RNF38: variants seen among roughly 807,000 people sequenced by gnomAD.
RNF38 encodes ring finger protein 38.
In RNF38, 15 loss-of-function variants were observed where a neutral mutation model predicts 67.2. That is an observed-to-expected ratio of 0.22 (90% CI 0.15 to 0.34). RNF38 has a LOEUF of 0.34. Among genes scored for constraint, RNF38 ranks in the 10% least tolerant of loss-of-function variants. RNF38 has a pLI of 1.00. For synonymous variants in RNF38, 220 were observed against 218.8 expected (o/e 1.01, Z -0.05); for missense variants, 524 against 639.9 (o/e 0.82, Z 1.95).
intron 2 of RNF38, among the ~76,000 whole-genome samples, chr9:36,407,319 G>T (rs1889280): frequency 0.054 from 8,205 of 152,246 alleles, 696 homozygotes; most frequent in African/African-American, 0.18. Flanking sequence ...AGTTAGTCAG[G>T]TGGCTGTTTC....
At chr9:36,342,497 A>G in intron 10 of RNF38, 73 bp from the exon 11 acceptor site, 1 of 902,262 alleles carries the variant, frequency 1.1e-6, no homozygotes, top group Non-Finnish European at 1.8e-6. Flanking sequence ...TGAAACCTAC[A>G]AGATAATTTA....
At chr9:36,401,372 T>C (rs1838026865), upstream of RNF38, among the ~76,000 whole-genome samples, 1 of 144,748 alleles carries the variant, frequency 6.9e-6, no homozygotes. Flanking sequence ...TCTTAGTAAA[T>C]TGTTGCTACT....
chr9:36,463,937 G>A (rs1486403921), intron 1 of RNF38, among the ~76,000 whole-genome samples: 1 of 152,078 alleles, frequency 6.6e-6, no homozygotes, highest in African/African-American at 2.4e-5. Context: ...GGAGGCCGAG[G>A]CGGGCGGATC....
intron 1 of RNF38, 45 bp downstream of exon 1, chr9:36,400,052 A>G (rs1417810678): frequency 1.9e-6 from 3 of 1,578,684 alleles, no homozygotes; most frequent in Admixed American, 1.7e-5. Context: ...CTTTTACTGA[A>G]TAATAGCATA....
chr9:36,374,397 G>T (rs748051046), intron 3 of RNF38, among the ~76,000 whole-genome samples: 1 of 152,166 alleles, frequency 6.6e-6, no homozygotes, highest in Non-Finnish European at 1.5e-5. Flanking sequence ...CAACATAGTC[G>T]GTTTTTGGAG....
At chr9:36,372,232 T>A (rs180707875) in intron 3 of RNF38, among the ~76,000 whole-genome samples, 45 of 152,270 alleles carry the variant, frequency 3.0e-4, no homozygotes, top group Non-Finnish European at 5.6e-4. Context: ...CCCAGCTGAA[T>A]GAACTCACTT....
At position 36,473,363 on chromosome 9, in the gene RNF38, G is replaced by A. The variant is rs192096833; in HGVS notation, n.241+13945C>T. Among the ~76,000 whole-genome samples, 77 of 152,204 alleles carry A rather than the reference G, an allele frequency of 5.1e-4. 1 individual carries two copies. In the East Asian group the frequency reaches 0.012, roughly 24 times the overall value. ...AACACTTTGGGAGGCCAAGGCAGGC[G>A]GATCACCTGAGGTCAGGAGTTCAAG... is the stretch of plus-strand genomic sequence containing the variant. On this transcript the variant is annotated intron_variant and non_coding_transcript_variant, in intron 1 of 3. Transcript: ENST00000488058.
upstream of RNF38, chr9:36,401,141 T>C (rs1838005986): frequency 3.0e-6 from 3 of 983,898 alleles, no homozygotes; most frequent in Non-Finnish European, 3.6e-6. Flanking sequence ...CTCCTCCCTT[T>C]TCCCCCAGGC....
At chr9:36,486,820 A>T (rs1283012240) in intron 1 of RNF38, among the ~76,000 whole-genome samples, 1 of 151,424 alleles carries the variant, frequency 6.6e-6, no homozygotes, top group African/African-American at 2.4e-5. Flanking sequence ...TTACTCCCAA[A>T]CCAGCCCAAA....
At chr9:36,362,135 T>A (rs928432966) in intron 4 of RNF38, among the ~76,000 whole-genome samples, 1 of 152,202 alleles carries the variant, frequency 6.6e-6, no homozygotes, top group African/African-American at 2.4e-5. Flanking sequence ...GGTGGGTGGA[T>A]CGCCTGAGGT....
intron 2 of RNF38, among the ~76,000 whole-genome samples, chr9:36,389,995 T>A (rs952153779): frequency 6.6e-6 from 1 of 152,216 alleles, no homozygotes; most frequent in African/African-American, 2.4e-5. Context: ...TTTCATTTTA[T>A]ATTTAAAAAA....
At chr9:36,414,756 G>A (rs1406958554) in intron 2 of RNF38, among the ~76,000 whole-genome samples, 4 of 151,024 alleles carry the variant, frequency 2.6e-5, no homozygotes, top group South Asian at 2.1e-4. Context: ...TGGTGGTGTC[G>A]AATTCTCTCA....
chr9:36,398,247 T>G (rs1441386381), intron 1 of RNF38, among the ~76,000 whole-genome samples: 1 of 151,590 alleles, frequency 6.6e-6, no homozygotes, highest in Admixed American at 6.6e-5. Flanking sequence ...ATAGAAGAGG[T>G]GAAAAGTTCA....
intron 6 of RNF38, 134 bp downstream of exon 6, chr9:36,356,169 C>T (rs1834091150): frequency 1.2e-6 from 1 of 833,946 alleles, no homozygotes; most frequent in East Asian, 2.7e-5. Context: ...TTAAGCATGC[C>T]ATTTAAACAT....
At chr9:36,442,081 G>A (rs763488849) in intron 1 of RNF38, among the ~76,000 whole-genome samples, 8 of 152,022 alleles carry the variant, frequency 5.3e-5, no homozygotes, top group Non-Finnish European at 5.9e-5. Flanking sequence ...GGGGGGGAGG[G>A]GGAGAGTCAA....
At chr9:36,413,343 T>C (rs536722347) in intron 2 of RNF38, among the ~76,000 whole-genome samples, 8 of 152,122 alleles carry the variant, frequency 5.3e-5, no homozygotes, top group Non-Finnish European at 8.8e-5. Context: ...CAGAAACCGA[T>C]GCGGCACCAT....
intron 1 of RNF38, among the ~76,000 whole-genome samples, chr9:36,455,068 T>A (rs1334353223): frequency 6.6e-6 from 1 of 152,054 alleles, no homozygotes; most frequent in Non-Finnish European, 1.5e-5. Context: ...AATCTCTTTT[T>A]TTTTTTTCTG....
intron 1 of RNF38, among the ~76,000 whole-genome samples, chr9:36,458,210 G>C (rs1170733261): frequency 3.3e-5 from 5 of 152,170 alleles, no homozygotes; most frequent in Admixed American, 3.3e-4. Flanking sequence ...TCTAGCTAAA[G>C]GATTGTAAAT....
chr9:36,341,788 T>G (rs1832850872), intron 11 of RNF38, among the ~76,000 whole-genome samples: 1 of 22,402 alleles, frequency 4.5e-5, no homozygotes, highest in African/African-American at 1.3e-4. Context: ...GAGACCCTGT[T>G]TCAAAATATA....
Sources: gnomAD v4.1 joint callset for allele counts (sites outside exome capture counted in the v4.1 genomes callset) on GRCh38, gnomAD v4.1.1 for gene constraint, MANE v1.5 for transcripts, NCBI Gene and HGNC (gene_info 2026-07-23, HGNC 2026-07-21) for gene names.